Variants in CACNA2D3 observed in about 807,000 individuals in gnomAD.
CACNA2D3 encodes voltage-dependent calcium channel subunit alpha-2/delta-3.
Under a neutral mutation model 160.6 loss-of-function variants are expected in CACNA2D3, and 60 were observed. The observed-to-expected ratio is 0.37, with a 90% CI of 0.30 to 0.46. The LOEUF (loss-of-function observed/expected upper bound fraction) is 0.46, where lower values mean the gene tolerates loss of function less well. Among genes scored for constraint, CACNA2D3 ranks in the 20% least tolerant of loss-of-function variants. The pLI is 1.00. For missense variants in CACNA2D3, 1,205 were observed against 1,365.0 expected (o/e 0.88, Z 1.85); for synonymous variants, 558 against 492.9 (o/e 1.13, Z -1.75).
intron 4 of CACNA2D3, among the ~76,000 whole-genome samples, chr3:54,388,948 A>G (rs189257635): frequency 1.3e-3 from 198 of 152,356 alleles, no homozygotes; most frequent in African/African-American, 3.5e-3. Context: ...AGCTTGTAAC[A>G]ATGAATAAAA....
At chr3:54,859,295 C>G (rs538631908) in intron 17 of CACNA2D3, among the ~76,000 whole-genome samples, 15 of 152,208 alleles carry the variant, frequency 9.9e-5, no homozygotes, top group Non-Finnish European at 1.6e-4. Context: ...CACCACTGCA[C>G]TGAGCATTGT....
At chr3:54,790,184 G>A (rs1702723718) in intron 13 of CACNA2D3, among the ~76,000 whole-genome samples, 1 of 152,164 alleles carries the variant, frequency 6.6e-6, no homozygotes, top group African/African-American at 2.4e-5. Context: ...GAGACAGCTT[G>A]CATAACCCTT....
chr3:54,280,410 G>A (rs1278084533), intron 2 of CACNA2D3, among the ~76,000 whole-genome samples: 2 of 152,136 alleles, frequency 1.3e-5, no homozygotes, highest in African/African-American at 2.4e-5. Flanking sequence ...TATTTATTAA[G>A]CACCTATGAG....
At chr3:55,060,179 G>A (rs1308081194) in intron 35 of CACNA2D3, among the ~76,000 whole-genome samples, 1 of 152,118 alleles carries the variant, frequency 6.6e-6, no homozygotes, top group Non-Finnish European at 1.5e-5. Flanking sequence ...TCTATTGCCT[G>A]AGAGCTGGAA....
At chr3:54,731,206 A>C (rs1393535008) in intron 11 of CACNA2D3, among the ~76,000 whole-genome samples, 1 of 152,078 alleles carries the variant, frequency 6.6e-6, no homozygotes, top group African/African-American at 2.4e-5. Context: ...ACTTTTTTCA[A>C]ATTCTCAGAC....
intron 35 of CACNA2D3, among the ~76,000 whole-genome samples, chr3:55,052,347 C>T (rs1350541249): frequency 1.3e-5 from 2 of 151,304 alleles, no homozygotes; most frequent in Non-Finnish European, 2.9e-5. Context: ...CTTTGTGATC[C>T]AAAACATGAT....
chr3:54,378,730 A>G (rs538770539), intron 3 of CACNA2D3, among the ~76,000 whole-genome samples: 2 of 152,328 alleles, frequency 1.3e-5, no homozygotes, highest in African/African-American at 2.4e-5. Context: ...ATTTGGAAAA[A>G]TTACTTGGGC....
At chr3:54,625,113 C>A (rs1699068260) in intron 9 of CACNA2D3, among the ~76,000 whole-genome samples, 1 of 152,100 alleles carries the variant, frequency 6.6e-6, no homozygotes, top group Non-Finnish European at 1.5e-5. Context: ...CCTGAGACTG[C>A]CTAGTTCCCT....
chr3:54,768,938 A>G (rs866574283), intron 13 of CACNA2D3, among the ~76,000 whole-genome samples: 7 of 152,228 alleles, frequency 4.6e-5, no homozygotes, highest in South Asian at 2.1e-4. Flanking sequence ...GTGTTGAGCA[A>G]CCTGTCAGGC....
At chr3:54,254,254 G>A (rs1391284349) in intron 2 of CACNA2D3, among the ~76,000 whole-genome samples, 2 of 152,132 alleles carry the variant, frequency 1.3e-5, no homozygotes, top group Non-Finnish European at 2.9e-5. Context: ...GATCTCTGGA[G>A]GATCATCTTC....
intron 4 of CACNA2D3, among the ~76,000 whole-genome samples, chr3:54,393,477 C>G (rs1000818195): frequency 6.6e-6 from 1 of 152,212 alleles, no homozygotes; most frequent in Non-Finnish European, 1.5e-5. Flanking sequence ...ACTGAACCAC[C>G]CTTGCCTGCT....
chr3:54,930,160 G>A (rs951057595), intron 27 of CACNA2D3, among the ~76,000 whole-genome samples: 9 of 152,064 alleles, frequency 5.9e-5, no homozygotes, highest in African/African-American at 1.7e-4. Flanking sequence ...GGCATAGATC[G>A]GCCCACAGGC....
chr3:54,553,042 G>C (rs1158135245), intron 5 of CACNA2D3, among the ~76,000 whole-genome samples: 1 of 152,146 alleles, frequency 6.6e-6, no homozygotes, highest in Non-Finnish European at 1.5e-5. Context: ...GCTCCATCCG[G>C]AGTGGTTCAA....
rs560537112 is a variant in CACNA2D3, at chr3:54,998,582, G to T, written c.2691-6181G>T. Among the ~76,000 whole-genome samples, 3 of 152,268 alleles carry T rather than the reference G, an allele frequency of 2.0e-5. No individual in the cohort carries two copies. The East Asian group carries it at 5.8e-4, about 29-fold the overall frequency. ...TTGATTTGGTGCCAACAGACCCTCT[G>T]CTTAATCCACCAAATGAGTGACGCT... On this transcript the variant is annotated intron_variant, in intron 31 of 37. Transcript: ENST00000474759.
At chr3:55,001,230 G>C (rs1233879242) in intron 31 of CACNA2D3, among the ~76,000 whole-genome samples, 6 of 152,186 alleles carry the variant, frequency 3.9e-5, no homozygotes, top group Admixed American at 3.9e-4. Flanking sequence ...TTGTATTGCA[G>C]TAGCAAGCAT....
At chr3:54,852,359 C>T (rs1366592107) in intron 17 of CACNA2D3, among the ~76,000 whole-genome samples, 1 of 152,250 alleles carries the variant, frequency 6.6e-6, no homozygotes, top group African/African-American at 2.4e-5. Flanking sequence ...GCAGTAGCCA[C>T]ACTAGGTGAA....
At chr3:54,420,846 G>T (rs982921777) in intron 4 of CACNA2D3, among the ~76,000 whole-genome samples, 14 of 152,176 alleles carry the variant, frequency 9.2e-5, no homozygotes, top group Non-Finnish European at 1.5e-4. Flanking sequence ...GTAAACGTTA[G>T]GATTTCTGGA....
At chr3:54,213,809 G>A (rs530238603) in intron 2 of CACNA2D3, among the ~76,000 whole-genome samples, 13 of 152,328 alleles carry the variant, frequency 8.5e-5, no homozygotes, top group African/African-American at 3.1e-4. Context: ...TCAAATGAGG[G>A]AGATTATTTA....
intron 4 of CACNA2D3, among the ~76,000 whole-genome samples, chr3:54,436,861 C>T (rs1001664492): frequency 6.6e-6 from 1 of 152,068 alleles, no homozygotes; most frequent in Non-Finnish European, 1.5e-5. Context: ...CGGGTTGATA[C>T]ATGCAGCAAA....
Sources: gnomAD v4.1 joint callset for allele counts (sites outside exome capture counted in the v4.1 genomes callset) on GRCh38, gnomAD v4.1.1 for gene constraint, MANE v1.5 for transcripts, NCBI Gene and HGNC (gene_info 2026-07-23, HGNC 2026-07-21) for gene names.